Variants in NKAIN2 observed in about 807,000 individuals in gnomAD.
NKAIN2 encodes the protein sodium/potassium transporting ATPase interacting 2, also known as sodium/potassium-transporting ATPase subunit beta-1-interacting protein 2.
A neutral mutation model predicts 32.6 loss-of-function variants in NKAIN2; 14 were observed. The ratio of observed to expected loss-of-function variants is 0.43; its 90% CI spans 0.28 to 0.67. NKAIN2 has a LOEUF of 0.67. Among genes scored for constraint, NKAIN2 ranks in the 30% least tolerant of loss-of-function variants. NKAIN2 has a pLI of 0.17. For missense variants in NKAIN2, 198 were observed against 258.3 expected, an observed-to-expected ratio of 0.77 and a Z score of 1.60; for synonymous variants, 80 against 87.2, an observed-to-expected ratio of 0.92 and a Z score of 0.46.
Position 124,398,252 on chromosome 6 carries a change from C to CAAA in NKAIN2, c.273+42933_273+42935dup, listed in dbSNP as rs869039720. Among the ~76,000 whole-genome samples the CAAA allele has an allele frequency of 2.3e-3, 157 of 69,024 alleles. 4 individuals carry two copies. Among genetic ancestry groups the CAAA allele is most frequent in the South Asian group, 4.1e-3 (10 of 2,458 alleles). 45.3% of individuals were successfully genotyped at this position (69,024 alleles called of 152,430 possible). A position where few individuals can be genotyped will look rare whatever the true frequency, so the allele number is the denominator to read the frequency against. ...TGGGTGACAGAGAGAGACTGCATCTCAAAAAAAAAAAAAAAAAAAAAAAAA... is the reference window on the plus strand; with the variant it reads ...TGGGTGACAGAGAGAGACTGCATCTCAAAAAAAAAAAAAAAAAAAAAAAAAAAA... On this transcript the variant is annotated intron_variant, in intron 3 of 6. Coordinates refer to ENST00000368417, the MANE Select transcript of NKAIN2 (RefSeq NM_001040214.3).
Position 124,225,966 on chromosome 6 carries a change from T to C in NKAIN2, c.55-57039T>C, listed in dbSNP as rs549785278. Among the ~76,000 whole-genome samples the C allele has an allele frequency of 3.3e-5, 5 of 152,120 alleles. No individual in the cohort carries two copies. The East Asian group carries it at 7.7e-4, about 24-fold the overall frequency. ...AAAGGCCATTTATTAAAGCAACAGA[T>C]AGGGAGACATCAGTTATGTTTTTGG... is the stretch of plus-strand genomic sequence containing the variant. On this transcript the variant is annotated intron_variant, in intron 1 of 6. Transcript: ENST00000368417.
intron 3 of NKAIN2, among the ~76,000 whole-genome samples, chr6:124,638,898 A>G (rs1426888478): frequency 6.6e-6 from 1 of 151,104 alleles, no homozygotes; most frequent in East Asian, 1.9e-4. Flanking sequence ...AAAAAAAAAA[A>G]AAAAAAAAAA....
Position 124,379,542 on chromosome 6 carries a change from A to G in NKAIN2, c.273+24195A>G, listed in dbSNP as rs1401244786. On this transcript the variant is annotated intron_variant, in intron 3 of 6. Transcript: ENST00000368417. ...CTGAATTGGCCCCGATACAGGTTTT[A>G]TATGCAGTAAGAATAATGGCACAGC... is the stretch of plus-strand genomic sequence containing the variant. 6.6e-5 allele frequency among the ~76,000 whole-genome samples: 10 copies of G among 152,074 alleles called. No individual in the cohort carries two copies. The East Asian group carries it at 1.7e-3, about 27-fold the overall frequency.
rs372271578 is a variant in NKAIN2, at chr6:123,910,146, T to G, written c.54+105892T>G. Among the ~76,000 whole-genome samples, 48 of 152,318 alleles carry G rather than the reference T, an allele frequency of 3.2e-4. 1 individual carries two copies. The highest frequency in any genetic ancestry group is 1.1e-3 in the African/African-American group (47 of 41,586). On this transcript the variant is annotated intron_variant, in intron 1 of 6. Transcript: ENST00000368417. Reference sequence around the variant, plus strand: ...TGGTTAGGCACTTCCACTTCCCAGCTGTGCAAATAATTATCTTTCTGCATC... The same window carrying G: ...TGGTTAGGCACTTCCACTTCCCAGCGGTGCAAATAATTATCTTTCTGCATC...
At position 124,187,631 on chromosome 6, in the gene NKAIN2, G is replaced by A. The variant is rs182028484; in HGVS notation, c.55-95374G>A. Among the ~76,000 whole-genome samples, 173 of 152,174 alleles carry A rather than the reference G, an allele frequency of 1.1e-3. 1 individual carries two copies. Among genetic ancestry groups the A allele is most frequent in the African/African-American group, 3.7e-3 (154 of 41,534 alleles). ...AGTTTGATGACTTTTTGATAAACATGCTTATTTTCATTTCAAACTTAGTTA... is the reference window on the plus strand; with the variant it reads ...AGTTTGATGACTTTTTGATAAACATACTTATTTTCATTTCAAACTTAGTTA... On this transcript the variant is annotated intron_variant, in intron 1 of 6. Coordinates refer to ENST00000368417, the MANE Select transcript of NKAIN2 (RefSeq NM_001040214.3).
intron 1 of NKAIN2, among the ~76,000 whole-genome samples, chr6:124,243,880 T>A (rs534473653): frequency 4.4e-4 from 67 of 152,230 alleles, no homozygotes; most frequent in Non-Finnish European, 7.1e-4. Context: ...TGTTCTCAAA[T>A]TATTATTAAT....
Position 124,687,426 on chromosome 6 carries a change from T to TACATATACATACATG in NKAIN2, c.474+29040_474+29041insACATATACATACATG, listed in dbSNP as rs1491283177. Among the ~76,000 whole-genome samples the TACATATACATACATG allele has an allele frequency of 9.1e-4, 26 of 28,622 alleles. 1 individual carries two copies. Among genetic ancestry groups the TACATATACATACATG allele is most frequent in the African/African-American group, 3.2e-3 (23 of 7,238 alleles). The allele number at this position is 28,622 out of a possible 152,430, so 18.8% of individuals were successfully genotyped here. A position where few individuals can be genotyped will look rare whatever the true frequency, so the allele number is the denominator to read the frequency against. Reference sequence around the variant, plus strand: ...GTATGTATGGAATATATATATTCCATGTATACCATATACATACATGGTATA... The same window carrying TACATATACATACATG: ...GTATGTATGGAATATATATATTCCATACATATACATACATGGTATACCATATACATACATGGTATA... On this transcript the variant is annotated intron_variant, in intron 4 of 6. Coordinates refer to ENST00000368417, the MANE Select transcript of NKAIN2 (RefSeq NM_001040214.3).
intron 1 of NKAIN2, among the ~76,000 whole-genome samples, chr6:124,021,114 A>T (rs1780841530): frequency 6.6e-6 from 1 of 152,056 alleles, no homozygotes; most frequent in Non-Finnish European, 1.5e-5. Flanking sequence ...TTTTAAATTG[A>T]ATCATCTGAC....
intron 1 of NKAIN2, among the ~76,000 whole-genome samples, chr6:123,827,895 C>CTA (rs202131405): frequency 4.5e-4 from 67 of 147,516 alleles, no homozygotes; most frequent in African/African-American, 1.3e-3. Flanking sequence ...CTCTCTCTCT[C>CTA]TATATATATA....
intron 1 of NKAIN2, among the ~76,000 whole-genome samples, chr6:124,129,810 G>A (rs962208951): frequency 2.0e-5 from 3 of 152,108 alleles, no homozygotes; most frequent in African/African-American, 7.2e-5. Context: ...GTAGAAAAGG[G>A]ATTTCACCAT....
chr6:124,180,527 G>A (rs1387195586), intron 1 of NKAIN2, among the ~76,000 whole-genome samples: 6 of 152,012 alleles, frequency 3.9e-5, no homozygotes, highest in Admixed American at 6.6e-5. Flanking sequence ...TTTGGGTGGG[G>A]ACACAGCCAA....
intron 6 of NKAIN2, among the ~76,000 whole-genome samples, chr6:124,820,305 C>T (rs1186435225): frequency 6.6e-6 from 1 of 152,178 alleles, no homozygotes; most frequent in Non-Finnish European, 1.5e-5. Context: ...AGATTAAATT[C>T]CCTCCGACCG....
intron 4 of NKAIN2, among the ~76,000 whole-genome samples, chr6:124,667,124 C>G (rs1772839007): frequency 6.6e-6 from 1 of 152,088 alleles, no homozygotes; most frequent in African/African-American, 2.4e-5. Context: ...TACACAGCAG[C>G]AAATTTTATC....
intron 1 of NKAIN2, among the ~76,000 whole-genome samples, chr6:123,852,144 C>T (rs1405905069): frequency 2.0e-5 from 3 of 152,130 alleles, no homozygotes; most frequent in Admixed American, 2.0e-4. Flanking sequence ...TTATAAGGGT[C>T]CAATTTCATT....
At chr6:123,951,722 G>A (rs1429770848) in intron 1 of NKAIN2, among the ~76,000 whole-genome samples, 1 of 151,358 alleles carries the variant, frequency 6.6e-6, no homozygotes, top group Non-Finnish European at 1.5e-5. Flanking sequence ...AGTCTATTCA[G>A]CCAATATGTA....
chr6:124,542,883 A>C (rs1261392908), intron 3 of NKAIN2, among the ~76,000 whole-genome samples: 1 of 152,238 alleles, frequency 6.6e-6, no homozygotes, highest in African/African-American at 2.4e-5. Flanking sequence ...GAACATTAAA[A>C]GAATGAAAAG....
intron 3 of NKAIN2, among the ~76,000 whole-genome samples, chr6:124,645,289 A>G (rs1235392402): frequency 1.3e-5 from 2 of 152,170 alleles, no homozygotes; most frequent in Non-Finnish European, 2.9e-5. Flanking sequence ...GAGGACCAAA[A>G]ACTGGAATAG....
At chr6:123,968,070 C>T (rs1196878246) in intron 1 of NKAIN2, among the ~76,000 whole-genome samples, 2 of 152,188 alleles carry the variant, frequency 1.3e-5, no homozygotes, top group Non-Finnish European at 2.9e-5. Context: ...GTGGAGCAGG[C>T]AGCTGGAAAG....
At chr6:124,393,342 A>T (rs1773224451) in intron 3 of NKAIN2, among the ~76,000 whole-genome samples, 2 of 149,020 alleles carry the variant, frequency 1.3e-5, no homozygotes, top group Admixed American at 1.3e-4. Context: ...CACTTATAGA[A>T]TTTTTTTTTT....
Sources: gnomAD v4.1 joint callset for allele counts (sites outside exome capture counted in the v4.1 genomes callset) on GRCh38, gnomAD v4.1.1 for gene constraint, MANE v1.5 for transcripts, NCBI Gene and HGNC (gene_info 2026-07-23, HGNC 2026-07-21) for gene names.